MEF2A: variants seen among roughly 807,000 people sequenced by gnomAD.
MEF2A encodes myocyte enhancer factor 2A.
In MEF2A, 28 loss-of-function variants were observed where a neutral mutation model predicts 55.8. The ratio of observed to expected loss-of-function variants is 0.50; its 90% confidence interval spans 0.37 to 0.69. MEF2A has a LOEUF of 0.69. Ranked by LOEUF, MEF2A falls within the 30% of genes least tolerant of loss-of-function variation. The probability of loss-of-function intolerance (pLI) is 0.00; values close to 1 mark genes in which losing one functional copy is unlikely to be tolerated. For synonymous variants in MEF2A, 239 were observed against 227.1 expected, an observed-to-expected ratio of 1.05 and a Z score of -0.47; for missense variants, 528 against 626.2, an observed-to-expected ratio of 0.84 and a Z score of 1.67.
At chr15:99,598,010 T>G (rs952765138) in intron 1 of MEF2A, among the ~76,000 whole-genome samples, 3 of 152,212 alleles carry the variant, frequency 2.0e-5, no homozygotes, top group Admixed American at 2.0e-4. Flanking sequence ...ACAATTTTCT[T>G]GATGAAAACA....
rs554574349 is a variant in MEF2A, at chr15:99,632,554, C to T, written c.-142-424C>T. ...TAACCCCAAGCTCTGCCCCTTACTA[C>T]GTGACCTTGGGCGTATTGCTTAATT... On this transcript the variant is annotated intron_variant, in intron 2 of 11. Coordinates refer to ENST00000557942, the MANE Select transcript of MEF2A (RefSeq NM_001319206.4). Among the ~76,000 whole-genome samples the T allele has an allele frequency of 1.6e-4, 24 of 152,256 alleles. No individual in the cohort carries two copies. The South Asian group carries it at 2.9e-3, about 18-fold the overall frequency.
intron 2 of MEF2A, among the ~76,000 whole-genome samples, chr15:99,626,236 C>G (rs1445715706): frequency 1.3e-5 from 2 of 152,018 alleles, no homozygotes; most frequent in Non-Finnish European, 2.9e-5. Flanking sequence ...TCTAGGTTAT[C>G]CCAGTTGTTG....
rs561769566 is a variant in MEF2A, at chr15:99,584,362, A to T, written c.-224-14068A>T. On this transcript the variant is annotated intron_variant, in intron 1 of 11. Transcript: ENST00000557942. ...AAGCTAGAAATGAACACATAGATTC[A>T]TGTGAAAACTTGTGTACAAATGCTC... Among the ~76,000 whole-genome samples, 5 of 152,308 alleles carry T rather than the reference A, an allele frequency of 3.3e-5. 1 individual carries two copies. Among genetic ancestry groups the T allele is most frequent in the African/African-American group, 1.2e-4 (5 of 41,588 alleles).
chr15:99,592,136 T>C (rs899755028), intron 1 of MEF2A, among the ~76,000 whole-genome samples: 6 of 152,132 alleles, frequency 3.9e-5, no homozygotes, highest in African/African-American at 1.4e-4. Context: ...CTTTTGAGCT[T>C]GCTTTTACAC....
intron 8 of MEF2A, among the ~76,000 whole-genome samples, chr15:99,700,939 C>G (rs2057322333): frequency 6.6e-6 from 1 of 151,952 alleles, no homozygotes; most frequent in Non-Finnish European, 1.5e-5. Flanking sequence ...GACAACTCTT[C>G]CTTAGAAAAT....
intron 3 of MEF2A, among the ~76,000 whole-genome samples, chr15:99,638,068 TC>T (rs2044210034): frequency 6.6e-6 from 1 of 152,228 alleles, no homozygotes; most frequent in Admixed American, 6.5e-5. Flanking sequence ...TTGTATATCT[TC>T]CTTGGAAAAA....
intron 4 of MEF2A, among the ~76,000 whole-genome samples, chr15:99,657,863 T>G (rs528993663): frequency 6.6e-6 from 1 of 152,276 alleles, no homozygotes; most frequent in East Asian, 1.9e-4. Context: ...TCTGACAGAT[T>G]GTAAACCAAG....
At chr15:99,646,285 A>C (rs116924016) in intron 4 of MEF2A, among the ~76,000 whole-genome samples, 6,466 of 152,226 alleles carry the variant, frequency 0.042, 175 homozygotes, top group Non-Finnish European at 0.058. Context: ...CAACCTAATT[A>C]AGTGAAAAAG....
intron 2 of MEF2A, among the ~76,000 whole-genome samples, chr15:99,631,313 G>A (rs960843392): frequency 1.3e-5 from 2 of 152,198 alleles, no homozygotes; most frequent in South Asian, 4.2e-4. Context: ...ATTGGGAATT[G>A]GATACAATGT....
chr15:99,640,285 G>C (rs971389117), intron 3 of MEF2A, among the ~76,000 whole-genome samples: 1 of 152,002 alleles, frequency 6.6e-6, no homozygotes, highest in Non-Finnish European at 1.5e-5. Flanking sequence ...CAATTTCTCT[G>C]TATATTTTAT....
intron 7 of MEF2A, among the ~76,000 whole-genome samples, chr15:99,680,563 ATC>A (rs2053051496): frequency 1.3e-5 from 2 of 152,318 alleles, no homozygotes; most frequent in South Asian, 4.1e-4. Flanking sequence ...ATTTTTGGGA[ATC>A]TCTCCTGAAG....
intron 7 of MEF2A, among the ~76,000 whole-genome samples, chr15:99,688,067 G>C (rs996083330): frequency 1.3e-5 from 2 of 152,110 alleles, no homozygotes; most frequent in Non-Finnish European, 2.9e-5. Flanking sequence ...TGCCAGCTTT[G>C]TAATAAACAC....
chr15:99,703,531 G>T (rs1255931077), intron 9 of MEF2A, 146 bp downstream of exon 9: 5 of 612,142 alleles, frequency 8.2e-6, no homozygotes, highest in Non-Finnish European at 1.3e-5. Flanking sequence ...CAATCTACTG[G>T]TACTACAGAC....
chr15:99,716,363 TTTC>T lies in MEF2A; in HGVS notation c.*3596_*3598del, dbSNP rs1210976364. 2.8e-6 allele frequency: 1 copy of T among 359,448 alleles called. No homozygotes were observed. The highest frequency in any genetic ancestry group is 5.6e-6 in the Non-Finnish European group (1 of 179,104). The allele number at this position is 359,448 out of a possible 1,614,324, so 22.3% of individuals were successfully genotyped here. ...TCAATTTTTCCCTGAATGTGTTGTT[TTTC>T]TTCATTATACAATAAATATAATAGT... is the stretch of plus-strand genomic sequence containing the variant. On this transcript the variant is annotated 3_prime_UTR_variant, in exon 12 of 12. Transcript: ENST00000557942.
chr15:99,656,452 A>G (rs2581473), intron 4 of MEF2A, among the ~76,000 whole-genome samples: 145,378 of 152,194 alleles, frequency 0.96, 69,794 homozygotes, highest in East Asian at 1. Context: ...GAAATGCTCA[A>G]TGAGGCATCT....
At chr15:99,698,913 T>A (rs1042852912) in intron 8 of MEF2A, among the ~76,000 whole-genome samples, 7 of 152,060 alleles carry the variant, frequency 4.6e-5, no homozygotes, top group Non-Finnish European at 5.9e-5. Flanking sequence ...TCAGTTCTTA[T>A]GAATTTAAAT....
intron 9 of MEF2A, among the ~76,000 whole-genome samples, chr15:99,703,966 C>G (rs1262130777): frequency 1.3e-5 from 2 of 152,114 alleles, no homozygotes; most frequent in Non-Finnish European, 2.9e-5. Context: ...AACTATTGCC[C>G]TTTTTCCAAA....
chr15:99,583,901 A>G (rs1474428682), intron 1 of MEF2A, among the ~76,000 whole-genome samples: 2 of 152,116 alleles, frequency 1.3e-5, no homozygotes, highest in Non-Finnish European at 2.9e-5. Flanking sequence ...CAATTTTGTT[A>G]CTTTGTGAAC....
At chr15:99,698,323 C>T (rs968331261) in intron 8 of MEF2A, among the ~76,000 whole-genome samples, 20 of 151,942 alleles carry the variant, frequency 1.3e-4, no homozygotes, top group African/African-American at 4.8e-4. Flanking sequence ...TCTTAAAACC[C>T]AACAGTAAGA....
Sources: allele counts gnomAD v4.1 joint callset (sites outside exome capture counted in the v4.1 genomes callset), GRCh38; gene constraint gnomAD v4.1.1; transcripts MANE v1.5; gene names NCBI Gene and HGNC (gene_info 2026-07-23, HGNC 2026-07-21).